The following ZNF273 variants were observed in gnomAD, a reference collection of about 807,000 sequenced individuals.
ZNF273 encodes the protein zinc finger protein 9.
A neutral mutation model predicts 14.9 loss-of-function variants in ZNF273; 11 were observed. The observed-to-expected ratio is 0.74, with a 90% CI of 0.46 to 1.22. The LOEUF (loss-of-function observed/expected upper bound fraction) is 1.22, where lower values mean the gene tolerates loss of function less well. Ranked by LOEUF, ZNF273 falls within the 50% of genes most tolerant of loss-of-function variation. ZNF273 has a pLI of 0.00. For missense variants in ZNF273, 577 were observed against 660.6 expected (o/e 0.87, Z 1.39); for synonymous variants, 199 against 223.9 (o/e 0.89, Z 0.99).
intron 3 of ZNF273, among the ~76,000 whole-genome samples, chr7:64,895,024 C>T (rs1792281595): frequency 6.6e-6 from 1 of 151,896 alleles, no homozygotes; most frequent in African/African-American, 2.4e-5. Context: ...GTAATCTCAG[C>T]TACTCAGGAG....
At chr7:64,914,481 G>T (rs747844552) in intron 1 of ZNF273, among the ~76,000 whole-genome samples, 5 of 151,974 alleles carry the variant, frequency 3.3e-5, no homozygotes, top group Non-Finnish European at 7.4e-5. Flanking sequence ...TCTAGAGTGA[G>T]AACAGAATCA....
At chr7:64,903,208 G>A (rs1792842372), upstream of ZNF273, 2 of 871,984 alleles carry the variant, frequency 2.3e-6, no homozygotes, top group Admixed American at 5.2e-5. Flanking sequence ...GCTGGGCTGG[G>A]ACCCGTCCAA....
At chr7:64,915,321 A>ACC (rs1311532036) in intron 1 of ZNF273, among the ~76,000 whole-genome samples, 1 of 152,130 alleles carries the variant, frequency 6.6e-6, no homozygotes, top group African/African-American at 2.4e-5. Flanking sequence ...AATTAAAGAC[A>ACC]CACACAGAAA....
chr7:64,924,533 A>ACACG (rs1056723664), intron 3 of ZNF273: 1 of 118,254 alleles, frequency 8.5e-6, no homozygotes, highest in Non-Finnish European at 1.9e-5. Flanking sequence ...ACACACACAC[A>ACACG]CGCGCGCGCG....
intron 2 of ZNF273, among the ~76,000 whole-genome samples, chr7:64,878,732 C>T (rs1791179700): frequency 6.6e-6 from 1 of 152,196 alleles, no homozygotes; most frequent in African/African-American, 2.4e-5. Context: ...ATTCCCGGAG[C>T]CACATGGCAG....
chr7:64,895,405 C>T (rs1792308519), intron 3 of ZNF273, among the ~76,000 whole-genome samples: 1 of 151,974 alleles, frequency 6.6e-6, no homozygotes, highest in African/African-American at 2.4e-5. Flanking sequence ...AATATTGTTT[C>T]AGGGATTTAG....
At chr7:64,926,835 G>C (rs1794788930) in intron 3 of ZNF273, among the ~76,000 whole-genome samples, 1 of 152,132 alleles carries the variant, frequency 6.6e-6, no homozygotes. Context: ...AAAGGAGTTT[G>C]TTCATGTTTC....
intron 1 of ZNF273, among the ~76,000 whole-genome samples, chr7:64,886,416 T>C (rs1791583868): frequency 6.6e-6 from 1 of 152,188 alleles, no homozygotes; most frequent in South Asian, 2.1e-4. Context: ...GAGCTCACTG[T>C]CACAAAAGGC....
downstream of ZNF273, among the ~76,000 whole-genome samples, chr7:64,894,807 T>G (rs1413099688): frequency 6.6e-6 from 1 of 152,108 alleles, no homozygotes; most frequent in Non-Finnish European, 1.5e-5. Flanking sequence ...ATCAAACATA[T>G]TAGTATTAGG....
At chr7:64,888,892 TGAGTGCCA>T (rs1291219440), downstream of ZNF273, 1 of 985,004 alleles carries the variant, frequency 1.0e-6, no homozygotes, top group African/African-American at 1.7e-5. Context: ...ACGGAGGCCC[TGAGTGCCA>T]GAGTCCAAGT....
downstream of ZNF273, among the ~76,000 whole-genome samples, chr7:64,891,543 C>T (rs550781834): frequency 2.1e-4 from 32 of 152,326 alleles, no homozygotes; most frequent in East Asian, 6.0e-3. Context: ...TTTGCCATGT[C>T]ACCCAGACAT....
At chr7:64,903,015 TTA>T (rs1227639211), upstream of ZNF273, among the ~76,000 whole-genome samples, 1 of 152,224 alleles carries the variant, frequency 6.6e-6, no homozygotes, top group African/African-American at 2.4e-5. Flanking sequence ...GCATATGACC[TTA>T]TACACAAGGT....
the ZNF273 span, among the ~76,000 whole-genome samples, chr7:64,936,014 GAAATCTA>G: frequency 1.3e-5 from 2 of 152,122 alleles, no homozygotes; most frequent in Non-Finnish European, 2.9e-5. Flanking sequence ...TGGATATTTT[GAAATCTA>G]AAATCCTGGC....
At chr7:64,909,925 C>CGT (rs1562958031) in intron 1 of ZNF273, among the ~76,000 whole-genome samples, 2 of 150,238 alleles carry the variant, frequency 1.3e-5, no homozygotes, top group African/African-American at 4.9e-5. Context: ...TTTTTCTTTA[C>CGT]GTTTCTCTAA....
At position 64,928,922 on chromosome 7, in the gene ZNF273, C is replaced by T. The variant is rs776029846; in HGVS notation, c.1594C>T (p.His532Tyr). ...AFNRSSNLTR[H>Y]KKIHTGEKPY... Reference sequence around the variant, plus strand: ...TAACCGGTCCTCAAACCTTACTCGACATAAGAAAATTCATACTGGAGAGAA... The same window carrying T: ...TAACCGGTCCTCAAACCTTACTCGATATAAGAAAATTCATACTGGAGAGAA... Residue 532 changes from histidine to tyrosine, a missense_variant, in exon 4 of 4, where the codon CAT becomes TAT. Coordinates refer to ENST00000476120, the MANE Select transcript of ZNF273 (RefSeq NM_021148.3). The T allele has an allele frequency of 6.2e-7, 1 of 1,613,828 alleles. No individual in the cohort carries two copies. Among genetic ancestry groups the T allele is most frequent in the South Asian group, 1.1e-5 (1 of 91,050 alleles).
intron 3 of ZNF273, among the ~76,000 whole-genome samples, chr7:64,923,110 A>G (rs930020731): frequency 1.3e-5 from 2 of 152,184 alleles, no homozygotes; most frequent in African/African-American, 4.8e-5. Flanking sequence ...ATATTAAACA[A>G]CTACCATTTT....
At chr7:64,904,811 T>A (rs1034911619) in intron 1 of ZNF273, among the ~76,000 whole-genome samples, 19 of 152,178 alleles carry the variant, frequency 1.2e-4, no homozygotes, top group Non-Finnish European at 2.4e-4. Context: ...CTGTGCCTCT[T>A]TTTAAAATAA....
rs781380982 is a variant in ZNF273, at chr7:64,928,589, AAG to A, written c.1265_1266del (p.Arg422AsnfsTer4). The A allele has an allele frequency of 1.2e-6, 2 of 1,613,686 alleles. No homozygotes were observed. Among genetic ancestry groups the A allele is most frequent in the South Asian group, 2.2e-5 (2 of 91,028 alleles). ...FKRSTTLTKH[K>X]RIYTKEKPYK... ...ACGGTCCACAACTCTTACTAAACAT[AAG>A]AGAATTTATACTAAAGAGAAACCAT... On this transcript the variant is annotated frameshift_variant, in exon 4 of 4. Transcript: ENST00000476120. LOFTEE classifies it low-confidence loss of function (END_TRUNC).
downstream of ZNF273, among the ~76,000 whole-genome samples, chr7:64,884,014 A>G (rs1176685865): frequency 6.6e-6 from 1 of 152,218 alleles, no homozygotes; most frequent in Non-Finnish European, 1.5e-5. Context: ...GGATTGCAGC[A>G]TGATTCCTAT....
Sources: allele counts gnomAD v4.1 joint callset (sites outside exome capture counted in the v4.1 genomes callset), GRCh38; gene constraint gnomAD v4.1.1; transcripts MANE v1.5; gene names NCBI Gene and HGNC (gene_info 2026-07-23, HGNC 2026-07-21).